Variants in IPO11 observed in about 807,000 individuals in gnomAD.
IPO11 encodes the protein importin-11.
A neutral mutation model predicts 143.2 loss-of-function variants in IPO11; 66 were observed. The observed-to-expected ratio is 0.46, with a 90% CI of 0.38 to 0.57. The LOEUF is 0.57. IPO11 is among the 20% of genes least tolerant of loss of function. The pLI, the probability that IPO11 is intolerant of heterozygous loss-of-function variation, is 0.00. For missense variants in IPO11, 1,026 were observed against 1,141.0 expected, an observed-to-expected ratio of 0.90 and a Z score of 1.45; for synonymous variants, 385 against 377.8, an observed-to-expected ratio of 1.02 and a Z score of -0.22.
intron 27 of IPO11, chr5:62,579,892 T>A (rs1744479352): frequency 1.9e-6 from 3 of 1,551,106 alleles, no homozygotes; most frequent in South Asian, 1.2e-5. Context: ...GAGAGGAGTA[T>A]TTAATGATCT....
chr5:62,484,240 T>TA, intron 11 of IPO11, 78 bp downstream of exon 11: 1 of 1,217,034 alleles, frequency 8.2e-7, no homozygotes, highest in Non-Finnish European at 1.1e-6. Flanking sequence ...AGGTATAATA[T>TA]TGTATTTTCA....
intron 13 of IPO11, among the ~76,000 whole-genome samples, chr5:62,488,908 T>C (rs1402996473): frequency 6.6e-6 from 1 of 152,052 alleles, no homozygotes; most frequent in South Asian, 2.1e-4. Flanking sequence ...AAGGCTGAGG[T>C]TGGAGGATCA....
chr5:62,480,515 A>C (rs537431019), intron 9 of IPO11, among the ~76,000 whole-genome samples: 15 of 152,268 alleles, frequency 9.9e-5, no homozygotes, highest in African/African-American at 2.9e-4. Flanking sequence ...CATTGAATCT[A>C]TCAATTACCT....
chr5:62,447,198 T>C (rs1744750370), intron 3 of IPO11, among the ~76,000 whole-genome samples: 1 of 152,080 alleles, frequency 6.6e-6, no homozygotes, highest in South Asian at 2.1e-4. Context: ...CTCTAACTCC[T>C]GGGCTCAAGC....
At chr5:62,527,221 A>G (rs1742397257) in intron 21 of IPO11, among the ~76,000 whole-genome samples, 2 of 152,216 alleles carry the variant, frequency 1.3e-5, no homozygotes, top group East Asian at 3.8e-4. Flanking sequence ...AATATTTTAT[A>G]TTCAAACACT....
At chr5:62,598,565 T>TGG (rs770605911) in intron 28 of IPO11, among the ~76,000 whole-genome samples, 1 of 40,950 alleles carries the variant, frequency 2.4e-5, no homozygotes, top group Non-Finnish European at 4.4e-5. Flanking sequence ...TTTTTTTTTT[T>TGG]ATGGAGTCTT....
intron 3 of IPO11, among the ~76,000 whole-genome samples, chr5:62,444,207 C>T (rs1744624391): frequency 1.3e-5 from 2 of 151,854 alleles, no homozygotes; most frequent in Admixed American, 1.3e-4. Flanking sequence ...GCCATTCTGC[C>T]TCAGCCTCCC....
intron 19 of IPO11, among the ~76,000 whole-genome samples, chr5:62,511,746 A>G (rs936014565): frequency 1.3e-5 from 2 of 152,024 alleles, no homozygotes; most frequent in African/African-American, 2.4e-5. Context: ...CCCCAAGGAT[A>G]TTCTTTTATT....
intron 20 of IPO11, among the ~76,000 whole-genome samples, chr5:62,520,478 C>T: frequency 6.6e-6 from 1 of 152,014 alleles, no homozygotes; most frequent in Non-Finnish European, 1.5e-5. Flanking sequence ...CACCCATTAA[C>T]TCGTCATTTA....
chr5:62,600,964 T>A (rs951993179), intron 28 of IPO11, among the ~76,000 whole-genome samples: 14 of 152,348 alleles, frequency 9.2e-5, no homozygotes, highest in African/African-American at 3.1e-4. Context: ...TTAAAAGCTG[T>A]TTACACAGCT....
chr5:62,576,871 A>T (rs1040844356), intron 27 of IPO11, among the ~76,000 whole-genome samples: 1 of 152,224 alleles, frequency 6.6e-6, no homozygotes. Context: ...TTGTTTTTGT[A>T]TGGGGAGAAT....
At chr5:62,488,334 T>C (rs1003472371) in intron 13 of IPO11, among the ~76,000 whole-genome samples, 1 of 152,262 alleles carries the variant, frequency 6.6e-6, no homozygotes, top group Non-Finnish European at 1.5e-5. Context: ...ATTTCTGTCT[T>C]TTCTGCTAGA....
chr5:62,494,649 G>A (rs925039794), intron 16 of IPO11, among the ~76,000 whole-genome samples: 19 of 151,972 alleles, frequency 1.3e-4, no homozygotes, highest in African/African-American at 4.4e-4. Context: ...TAGGTTTGCT[G>A]CTTTATTATA....
chr5:62,615,024 C>T (rs780724520), intron 29 of IPO11, among the ~76,000 whole-genome samples: 7 of 152,148 alleles, frequency 4.6e-5, no homozygotes, highest in Non-Finnish European at 8.8e-5. Context: ...TGCTCCTCTT[C>T]TTCCTTCCCT....
At chr5:62,559,602 T>C (rs1214658835) in intron 26 of IPO11, among the ~76,000 whole-genome samples, 2 of 152,156 alleles carry the variant, frequency 1.3e-5, no homozygotes, top group Non-Finnish European at 2.9e-5. Flanking sequence ...GTTTTTGTTT[T>C]TTTTTCCTCA....
intron 1 of IPO11, among the ~76,000 whole-genome samples, chr5:62,435,052 A>ATG (rs1744122091): frequency 8.1e-6 from 1 of 123,146 alleles, no homozygotes; most frequent in Non-Finnish European, 1.6e-5. Flanking sequence ...GTATATGTGT[A>ATG]TATATATATG....
At chr5:62,482,324 G>C (rs1197204961) in intron 9 of IPO11, among the ~76,000 whole-genome samples, 1 of 152,110 alleles carries the variant, frequency 6.6e-6, no homozygotes, top group Non-Finnish European at 1.5e-5. Flanking sequence ...CTTGCCTTCT[G>C]CTAGCTTTGG....
intron 29 of IPO11, among the ~76,000 whole-genome samples, chr5:62,611,672 T>A (rs2112465846): frequency 6.6e-6 from 1 of 152,310 alleles, no homozygotes; most frequent in East Asian, 1.9e-4. Context: ...CCTGTTCACT[T>A]GGAAACGTTG....
intron 28 of IPO11, among the ~76,000 whole-genome samples, chr5:62,593,525 A>T (rs567707952): frequency 6.6e-6 from 1 of 152,274 alleles, no homozygotes; most frequent in Middle Eastern, 3.4e-3. Flanking sequence ...GGAGTGACAC[A>T]GCAGATTTGT....
Sources: allele counts gnomAD v4.1 joint callset (sites outside exome capture counted in the v4.1 genomes callset), GRCh38; gene constraint gnomAD v4.1.1; transcripts MANE v1.5; gene names NCBI Gene and HGNC (gene_info 2026-07-23, HGNC 2026-07-21).